ADAM28: variants seen among roughly 807,000 people sequenced by gnomAD.
ADAM28 encodes the protein ADAM metallopeptidase domain 28.
Under a neutral mutation model 101.2 loss-of-function variants are expected in ADAM28, and 105 were observed. The ratio of observed to expected loss-of-function variants is 1.04; its 90% CI spans 0.89 to 1.22. The LOEUF is 1.22. Among genes scored for constraint, ADAM28 ranks in the 50% most tolerant of loss-of-function variants. ADAM28 has a pLI of 0.00. For missense variants in ADAM28, 1,028 were observed against 945.4 expected, an observed-to-expected ratio of 1.09 and a Z score of -1.15; for synonymous variants, 322 against 310.6, an observed-to-expected ratio of 1.04 and a Z score of -0.39.
In ADAM28 at chr8:24,355,076, C is replaced by T. The variant is rs980808620; in HGVS notation, c.*672C>T. 1.3e-5 allele frequency: 2 copies of T among 152,440 alleles called. No homozygotes were observed. Among genetic ancestry groups the T allele is most frequent in the African/African-American group, 2.4e-5 (1 of 41,390 alleles). 9.4% of individuals were successfully genotyped at this position (152,440 alleles called of 1,614,324 possible). ...GGTTGCGAACTGGTGACCTGTAGGC[C>T]ATGTTTGCACTGCAAATATATTTGG... On this transcript the variant is annotated 3_prime_UTR_variant, in exon 23 of 23. Coordinates refer to ENST00000265769, the MANE Select transcript of ADAM28 (RefSeq NM_014265.6).
At chr8:24,296,778 CAT>C (rs1264990199) in intron 1 of ADAM28, among the ~76,000 whole-genome samples, 1 of 152,170 alleles carries the variant, frequency 6.6e-6, no homozygotes, top group African/African-American at 2.4e-5. Context: ...TTAGTAAAAA[CAT>C]ATTGTGTTAC....
At chr8:24,345,804 A>T (rs1585728132) in intron 18 of ADAM28, among the ~76,000 whole-genome samples, 1 of 152,114 alleles carries the variant, frequency 6.6e-6, no homozygotes, top group South Asian at 2.1e-4. Context: ...AGGACTAGCG[A>T]TACAACTTTA....
At chr8:24,333,071 A>T (rs1286409488) in intron 13 of ADAM28, among the ~76,000 whole-genome samples, 1 of 152,228 alleles carries the variant, frequency 6.6e-6, no homozygotes, top group Non-Finnish European at 1.5e-5. Flanking sequence ...CAGCATAGAA[A>T]GACAAACACT....
intron 15 of ADAM28, chr8:24,341,328 A>G (rs1306800443): frequency 2.8e-5 from 9 of 319,266 alleles, no homozygotes; most frequent in Non-Finnish European, 5.1e-5. Flanking sequence ...TTTGTGCTTA[A>G]GATTCTGTTT....
chr8:24,298,467 C>G (rs894168140), intron 1 of ADAM28, among the ~76,000 whole-genome samples: 1 of 151,990 alleles, frequency 6.6e-6, no homozygotes, highest in Non-Finnish European at 1.5e-5. Flanking sequence ...CTGAAGAAAA[C>G]TTTAAACAAT....
intron 10 of ADAM28, among the ~76,000 whole-genome samples, chr8:24,329,223 C>T (rs933722393): frequency 1.3e-5 from 2 of 152,114 alleles, no homozygotes; most frequent in African/African-American, 4.8e-5. Flanking sequence ...ACTTACACAG[C>T]TGTTCCTTGT....
Position 24,328,894 on chromosome 8 carries a change from T to C in ADAM28, c.973-1091T>C, listed in dbSNP as rs567588237. 1.3e-3 allele frequency among the ~76,000 whole-genome samples: 196 copies of C among 151,456 alleles called. 3 individuals are homozygous for C. Among genetic ancestry groups the C allele is most frequent in the African/African-American group, 4.5e-3 (187 of 41,208 alleles). ...AGAGATGGCACCATTACACTCCAGTTTGGGCAACAAGAGTGAGACACAGTC... is the reference window on the plus strand; with the variant it reads ...AGAGATGGCACCATTACACTCCAGTCTGGGCAACAAGAGTGAGACACAGTC... On this transcript the variant is annotated intron_variant, in intron 10 of 22. Transcript: ENST00000265769.
At chr8:24,322,998 G>C (rs1404255070) in intron 8 of ADAM28, among the ~76,000 whole-genome samples, 3 of 151,976 alleles carry the variant, frequency 2.0e-5, no homozygotes, top group East Asian at 3.9e-4. Flanking sequence ...TTTAAGATTA[G>C]AGGACCATTG....
At chr8:24,334,792 T>C (rs2129315162) in intron 13 of ADAM28, among the ~76,000 whole-genome samples, 1 of 152,368 alleles carries the variant, frequency 6.6e-6, no homozygotes, top group East Asian at 1.9e-4. Flanking sequence ...TTTGCAGGAA[T>C]GGCAGAATTT....
At chr8:24,316,624 T>C (rs1407882552) in intron 6 of ADAM28, among the ~76,000 whole-genome samples, 1 of 152,058 alleles carries the variant, frequency 6.6e-6, no homozygotes, top group Non-Finnish European at 1.5e-5. Flanking sequence ...AAGCCGCTGA[T>C]AACATCATAA....
chr8:24,316,061 CATTTATTTATTTATTT>C (rs1008297441), intron 6 of ADAM28, among the ~76,000 whole-genome samples: 7 of 122,396 alleles, frequency 5.7e-5, no homozygotes, highest in Non-Finnish European at 1.2e-4. Flanking sequence ...TCATAAAGGC[CATTTATTTATTTATTT>C]ATTTATTTAT....
chr8:24,340,900 C>G (rs1339554573), intron 15 of ADAM28: 1 of 152,138 alleles, frequency 6.6e-6, no homozygotes, highest in East Asian at 1.9e-4. Context: ...GTCTTTTAGT[C>G]CTGTTGGCAG....
chr8:24,294,081 G>T lies in ADAM28; in HGVS notation c.-69G>T. 1 of 1,526,524 alleles carries T rather than the reference G, an allele frequency of 6.6e-7. No individual in the cohort carries two copies. The highest frequency in any genetic ancestry group is 9.1e-7 in the Non-Finnish European group (1 of 1,100,592). 94.6% of individuals were successfully genotyped at this position (1,526,524 alleles called of 1,614,324 possible). On this transcript the variant is annotated 5_prime_UTR_variant, in exon 1 of 23. Coordinates refer to ENST00000265769, the MANE Select transcript of ADAM28 (RefSeq NM_014265.6). ...TTCATTCTGTCTCACTGGAGAGGAG[G>T]CAGGGACAGACCCAGCAGCACCCAC...
chr8:24,338,919 AT>A (rs1386283475), intron 14 of ADAM28, among the ~76,000 whole-genome samples: 3 of 152,166 alleles, frequency 2.0e-5, no homozygotes, highest in Non-Finnish European at 4.4e-5. Context: ...ATATTAAGTA[AT>A]TTAATCTTCA....
chr8:24,343,197 A>G lies in ADAM28; in HGVS notation c.1911+16A>G. 2 of 1,611,630 alleles carry G rather than the reference A, an allele frequency of 1.2e-6. No homozygotes were observed. The highest frequency in any genetic ancestry group is 1.7e-6 in the Non-Finnish European group (2 of 1,177,854). On this transcript the variant is annotated intron_variant, in intron 17 of 22. Transcript: ENST00000265769. ...AGGACATGCTGTAAGTTCTGAAAAT[A>G]TGTTTCCCTAAGCTCTCTGAATCTT...
intron 2 of ADAM28, among the ~76,000 whole-genome samples, chr8:24,309,003 C>G (rs1810071693): frequency 6.6e-6 from 1 of 152,176 alleles, no homozygotes; most frequent in Non-Finnish European, 1.5e-5. Flanking sequence ...TCTTTAATGA[C>G]AATAACGAGG....
At chr8:24,312,700 T>C (rs950985449) in intron 5 of ADAM28, among the ~76,000 whole-genome samples, 1 of 151,998 alleles carries the variant, frequency 6.6e-6, no homozygotes, top group Non-Finnish European at 1.5e-5. Flanking sequence ...ATTTTCCTCA[T>C]TTGAACATAA....
In ADAM28 at chr8:24,331,300, A is replaced by C. The variant is rs776102010; in HGVS notation, c.1254A>C (p.Gly418=). 2 of 1,611,448 alleles carry C rather than the reference A, an allele frequency of 1.2e-6. No individual in the cohort carries two copies. The highest frequency in any genetic ancestry group is 1.7e-6 in the Non-Finnish European group (2 of 1,178,748). The change falls in exon 12 of 23, where the codon GGA becomes GGC. Residue 418 remains glycine (G), a synonymous_variant. Transcript: ENST00000265769. The part of the protein sequence containing the change: ...PICGNQLVEM[G]EDCDCGTSEE... ...GTGGGAACCAGTTGGTGGAAATGGG[A>C]GAGGACTGTGATTGTGGGACATCTG...
At chr8:24,342,921 G>T in intron 16 of ADAM28, 180 bp from the exon 17 acceptor site, 26 of 1,055,112 alleles carry the variant, frequency 2.5e-5, no homozygotes, top group East Asian at 5.6e-5. Flanking sequence ...CAACCTTTTT[G>T]GGTTGGTTTA....
Sources: gnomAD v4.1 joint callset for allele counts (sites outside exome capture counted in the v4.1 genomes callset) on GRCh38, gnomAD v4.1.1 for gene constraint, MANE v1.5 for transcripts, NCBI Gene and HGNC (gene_info 2026-07-23, HGNC 2026-07-21) for gene names.